Variants in ADGRF1 observed in about 807,000 individuals in gnomAD.
ADGRF1 encodes G protein-coupled receptor 110.
Under a neutral mutation model 87.2 loss-of-function variants are expected in ADGRF1, and 85 were observed. That is an observed-to-expected ratio of 0.97 (90% CI 0.82 to 1.17). The LOEUF (loss-of-function observed/expected upper bound fraction) is 1.17. Ranked by LOEUF, ADGRF1 falls within the 50% of genes most tolerant of loss-of-function variation. The pLI, the probability that ADGRF1 is intolerant of heterozygous loss-of-function variation, is 0.00. For synonymous variants in ADGRF1, 430 were observed against 408.8 expected (o/e 1.05, Z -0.63); for missense variants, 1,169 against 1,077.2 (o/e 1.09, Z -1.19).
chr6:47,019,353 C>A (rs1779970451), intron 7 of ADGRF1: 1 of 984,846 alleles, frequency 1.0e-6, no homozygotes, highest in Non-Finnish European at 1.2e-6. Flanking sequence ...AGGATAATGC[C>A]CAGAACAACA....
chr6:47,010,425 G>T, intron 10 of ADGRF1, 107 bp from the exon 11 acceptor site: 1 of 948,082 alleles, frequency 1.1e-6, no homozygotes, highest in Non-Finnish European at 1.5e-6. Context: ...CCAGAGAATT[G>T]GCTCAGTCAC....
intron 1 of ADGRF1, among the ~76,000 whole-genome samples, chr6:47,032,243 T>A (rs1471232161): frequency 6.6e-6 from 1 of 152,226 alleles, no homozygotes; most frequent in Admixed American, 6.5e-5. Flanking sequence ...GGAGTTCTAC[T>A]CTGGGATTTG....
intron 4 of ADGRF1, among the ~76,000 whole-genome samples, chr6:47,025,005 C>T (rs1180437258): frequency 6.6e-6 from 1 of 152,226 alleles, no homozygotes; most frequent in Non-Finnish European, 1.5e-5. Context: ...CCACCTGCTA[C>T]CACTCCCAAG....
chr6:47,019,943 T>G (rs1187190352), intron 7 of ADGRF1: 1 of 985,728 alleles, frequency 1.0e-6, no homozygotes, highest in East Asian at 1.1e-4. Flanking sequence ...TTTTGAACTA[T>G]GATGTATACA....
intron 1 of ADGRF1, among the ~76,000 whole-genome samples, chr6:47,040,303 T>G (rs893345647): frequency 2.0e-5 from 3 of 152,034 alleles, no homozygotes; most frequent in Admixed American, 2.0e-4. Context: ...AAACCCTGTC[T>G]CTAATAAAAA....
At position 47,025,930 on chromosome 6, in the gene ADGRF1, AT is replaced by A; in HGVS notation, c.200del (p.Asn67IlefsTer3). ...ATGGAGGCTTCAAGAGCTTCAGAAA[AT>A]TTCTCAAATCTCTTTTCTCCTTGGA... ...RDSKEKRDLR[N>X]FLKLLKPPLL... On this transcript the variant is annotated frameshift_variant, in exon 4 of 15. Transcript: ENST00000371253. LOFTEE classifies it high-confidence loss of function. 6.2e-7 allele frequency: 1 copy of A among 1,612,128 alleles called. No individual in the cohort carries two copies. Among genetic ancestry groups the A allele is most frequent in the Non-Finnish European group, 8.5e-7 (1 of 1,179,466 alleles).
chr6:47,020,606 A>G, intron 7 of ADGRF1, 125 bp downstream of exon 7: 1 of 1,537,668 alleles, frequency 6.5e-7, no homozygotes, highest in South Asian at 1.2e-5. Context: ...ACTTAGTAAA[A>G]ATCCTACTAT....
At chr6:47,016,197 AT>A (rs1779871273) in intron 8 of ADGRF1, among the ~76,000 whole-genome samples, 1 of 151,958 alleles carries the variant, frequency 6.6e-6, no homozygotes, top group Non-Finnish European at 1.5e-5. Flanking sequence ...AAAGATAAAT[AT>A]CTGAAGAAAA....
chr6:47,019,825 G>C (rs901637596), intron 7 of ADGRF1: 1 of 983,404 alleles, frequency 1.0e-6, no homozygotes, highest in African/African-American at 1.8e-5. Flanking sequence ...ATTAATAGTT[G>C]GTAATTAATG....
intron 1 of ADGRF1, among the ~76,000 whole-genome samples, chr6:47,039,435 C>T (rs552545882): frequency 1.3e-5 from 2 of 152,270 alleles, no homozygotes; most frequent in Non-Finnish European, 2.9e-5. Flanking sequence ...CTCAACATGC[C>T]AGGTCCCAGT....
Position 47,000,309 on chromosome 6 carries a change from A to G in ADGRF1, c.2660-14T>C. ...ATGCATAATGGCCTGAAGGGGAAAA[A>G]AAAAGGAAATAATTATTGTTACTCT... On this transcript the variant is annotated splice_polypyrimidine_tract_variant and intron_variant, in intron 14 of 14. Transcript: ENST00000371253. 6.4e-7 allele frequency: 1 copy of G among 1,569,246 alleles called. No homozygotes were observed. Among genetic ancestry groups the G allele is most frequent in the South Asian group, 1.1e-5 (1 of 87,566 alleles).
rs1779638114 is a variant in ADGRF1 at position 47,009,653 on chromosome 6, A to T, written c.1782T>A (p.Gly594=). 1 of 1,614,090 alleles carries T rather than the reference A, an allele frequency of 6.2e-7. No homozygotes were observed. The highest frequency in any genetic ancestry group is 8.5e-7 in the Non-Finnish European group (1 of 1,180,046). Residue 594 remains glycine (G), a synonymous_variant, in exon 11 of 15, where the codon GGT becomes GGA. Transcript: ENST00000371253. ...ATAAAATGAGACTTCCAATGGAGAT[A>T]CCCAGTCCCACATAGGTGATCCATT... is the stretch of plus-strand genomic sequence containing the variant. The part of the protein sequence containing the change: ...VVKWITYVGL[G]ISIGSLILCL...
intron 2 of ADGRF1, among the ~76,000 whole-genome samples, chr6:47,028,377 A>C (rs1375534585): frequency 6.6e-6 from 1 of 152,224 alleles, no homozygotes; most frequent in African/African-American, 2.4e-5. Context: ...AGAAGAGTCA[A>C]GCATGATTCT....
At chr6:47,011,338 A>G (rs1779700780) in intron 10 of ADGRF1, among the ~76,000 whole-genome samples, 1 of 152,244 alleles carries the variant, frequency 6.6e-6, no homozygotes, top group South Asian at 2.1e-4. Context: ...AATGTACATT[A>G]TATAATCCAG....
chr6:47,020,406 G>A (rs1489974247), intron 7 of ADGRF1: 3 of 876,556 alleles, frequency 3.4e-6, no homozygotes, highest in East Asian at 5.5e-5. Flanking sequence ...TGAGGCAGGG[G>A]AATCTCTTGA....
intron 11 of ADGRF1, among the ~76,000 whole-genome samples, chr6:47,008,434 T>A (rs1779592444): frequency 6.6e-6 from 1 of 152,252 alleles, no homozygotes; most frequent in Non-Finnish European, 1.5e-5. Flanking sequence ...CTTTTGCAAC[T>A]ACTCAACTCT....
At position 47,001,585 on chromosome 6, in the gene ADGRF1, A is replaced by T; in HGVS notation, c.2593-18T>A. ...GAGTTTTGCTGCACAAAATAAAAAT[A>T]AGTCATTTGGACATTAATAGCATTC... is the stretch of plus-strand genomic sequence containing the variant. On this transcript the variant is annotated intron_variant, in intron 13 of 14. Transcript: ENST00000371253. 1 of 1,607,464 alleles carries T rather than the reference A, an allele frequency of 6.2e-7. No homozygotes were observed. Among genetic ancestry groups the T allele is most frequent in the East Asian group, 2.2e-5 (1 of 44,806 alleles).
chr6:47,034,138 G>T (rs1011653305), intron 1 of ADGRF1, among the ~76,000 whole-genome samples: 10 of 152,358 alleles, frequency 6.6e-5, no homozygotes, highest in Admixed American at 1.3e-4. Context: ...ATTTGTGAAA[G>T]TTAAAACTCT....
At chr6:47,040,499 A>T (rs927448464) in intron 1 of ADGRF1, among the ~76,000 whole-genome samples, 1 of 150,380 alleles carries the variant, frequency 6.6e-6, no homozygotes, top group Non-Finnish European at 1.5e-5. Context: ...AAAAAAAAAA[A>T]CAGGCAAAAT....
Sources: allele counts gnomAD v4.1 joint callset (sites outside exome capture counted in the v4.1 genomes callset), GRCh38; gene constraint gnomAD v4.1.1; transcripts MANE v1.5; gene names NCBI Gene and HGNC (gene_info 2026-07-23, HGNC 2026-07-21).